The following KATNA1 variants were observed in gnomAD, a reference collection of about 807,000 sequenced individuals.
KATNA1 encodes the protein katanin p60 ATPase-containing subunit A1.
KATNA1 carries 42 observed loss-of-function variants against 62.6 expected under a neutral mutation model. The ratio of observed to expected loss-of-function variants is 0.67; its 90% CI spans 0.52 to 0.87. KATNA1 has a LOEUF of 0.87. Ranked by LOEUF, KATNA1 falls within the 40% of genes least tolerant of loss-of-function variation. The probability of loss-of-function intolerance (pLI) is 0.00; values close to 1 mark genes in which losing one functional copy is unlikely to be tolerated. For missense variants in KATNA1, 498 were observed against 612.5 expected (o/e 0.81, Z 1.97); for synonymous variants, 186 against 201.9 (o/e 0.92, Z 0.67).
intron 4 of KATNA1, among the ~76,000 whole-genome samples, chr6:149,619,222 T>G (rs898426086): frequency 6.6e-6 from 1 of 151,710 alleles, no homozygotes; most frequent in Non-Finnish European, 1.5e-5. Flanking sequence ...AAGAGGCATA[T>G]GAAAAAAAAA....
At chr6:149,639,415 A>G (rs1249881008) in intron 1 of KATNA1, among the ~76,000 whole-genome samples, 1 of 151,654 alleles carries the variant, frequency 6.6e-6, no homozygotes, top group African/African-American at 2.4e-5. Flanking sequence ...CCTGGCCAAC[A>G]TGGTGAAACT....
chr6:149,619,050 A>AT (rs1779293996), intron 4 of KATNA1, among the ~76,000 whole-genome samples: 1 of 152,226 alleles, frequency 6.6e-6, no homozygotes, highest in African/African-American at 2.4e-5. Flanking sequence ...AACCTGTAGA[A>AT]TGGGAGAAAA....
intron 2 of KATNA1, among the ~76,000 whole-genome samples, chr6:149,634,955 T>TTC (rs1554225925): frequency 6.8e-6 from 1 of 147,974 alleles, no homozygotes; most frequent in African/African-American, 2.4e-5. Flanking sequence ...TTTTTTTTTT[T>TTC]CAAATATTTT....
At chr6:149,600,218 AAAG>A (rs202229285) in intron 7 of KATNA1, among the ~76,000 whole-genome samples, 2 of 139,668 alleles carry the variant, frequency 1.4e-5, no homozygotes, top group Non-Finnish European at 1.7e-5. Flanking sequence ...AAAAAAAAAA[AAAG>A]CTGAACACAA....
At chr6:149,613,206 A>AAAAAAAAAAAAAAAAAAAAAAT (rs1779031093) in intron 4 of KATNA1, among the ~76,000 whole-genome samples, 1 of 142,760 alleles carries the variant, frequency 7.0e-6, no homozygotes, top group African/African-American at 2.7e-5. Flanking sequence ...AAAAAAAAAA[A>AAAAAAAAAAAAAAAAAAAAAAT]AAAAAAAAAA....
At chr6:149,631,195 C>T (rs1038974921) in intron 3 of KATNA1, among the ~76,000 whole-genome samples, 1 of 152,038 alleles carries the variant, frequency 6.6e-6, no homozygotes, top group Admixed American at 6.6e-5. Context: ...GTCAGGAGTT[C>T]GAGACCAGTC....
intron 4 of KATNA1, among the ~76,000 whole-genome samples, chr6:149,619,925 C>T (rs562400272): frequency 5.9e-5 from 9 of 151,404 alleles, no homozygotes; most frequent in East Asian, 2.0e-4. Context: ...AAGTTCCTAT[C>T]GACAGATGAA....
chr6:149,617,975 T>TAATA, intron 4 of KATNA1, among the ~76,000 whole-genome samples: 2 of 138,186 alleles, frequency 1.4e-5, no homozygotes, highest in Non-Finnish European at 3.1e-5. Context: ...AATAATAAAA[T>TAATA]AAATAAATAA....
At chr6:149,633,999 G>A (rs1023126531) in intron 2 of KATNA1, among the ~76,000 whole-genome samples, 1 of 151,574 alleles carries the variant, frequency 6.6e-6, no homozygotes, top group Non-Finnish European at 1.5e-5. Flanking sequence ...CAGGCCAGGC[G>A]CGGTGGCTCA....
rs985342350 is a variant in KATNA1 at position 149,605,793 on chromosome 6, G to C, written c.502-1011C>G. Reference sequence around the variant, plus strand: ...TATTTATTTATTTATTTTTGAGCTAGAGTCTCACTCTGTCGCCCAGGCTAG... The same window carrying C: ...TATTTATTTATTTATTTTTGAGCTACAGTCTCACTCTGTCGCCCAGGCTAG... On this transcript the variant is annotated intron_variant, in intron 4 of 10. Coordinates refer to ENST00000367411, the MANE Select transcript of KATNA1 (RefSeq NM_007044.4). 7.2e-5 allele frequency among the ~76,000 whole-genome samples: 11 copies of C among 151,938 alleles called. 1 individual carries two copies. The highest frequency in any genetic ancestry group is 1.5e-5 in the Non-Finnish European group (1 of 67,992).
Position 149,598,300 on chromosome 6 carries a change from G to A in KATNA1, c.939C>T (p.Ile313=). ...ATIFIDEIDS[I]CSRRGTSEEH... ...CTTCAGAAGTCCCTCGGCGACTACAGATGGAGTCTATCTCATCAATAAATA... is the reference window on the plus strand; with the variant it reads ...CTTCAGAAGTCCCTCGGCGACTACAAATGGAGTCTATCTCATCAATAAATA... Residue 313 remains isoleucine, a synonymous_variant, in exon 8 of 11, where the codon ATC becomes ATT. Coordinates refer to ENST00000367411, the MANE Select transcript of KATNA1 (RefSeq NM_007044.4). The A allele has an allele frequency of 6.2e-7, 1 of 1,613,872 alleles. No individual in the cohort carries two copies. The highest frequency in any genetic ancestry group is 1.1e-5 in the South Asian group (1 of 91,072).
rs183828099 is a variant in KATNA1 at position 149,640,990 on chromosome 6, G to A, written c.-13-2430C>T. ...GGTTCAAGCGATTCTCCTGACTCAG[G>A]CTCCTGAGTAGCTGGGATTACAGGC... On this transcript the variant is annotated intron_variant, in intron 1 of 10. Coordinates refer to ENST00000367411, the MANE Select transcript of KATNA1 (RefSeq NM_007044.4). 3.9e-3 allele frequency among the ~76,000 whole-genome samples: 590 copies of A among 151,274 alleles called. 3 individuals are homozygous for A. Among genetic ancestry groups the A allele is most frequent in the African/African-American group, 0.013 (528 of 41,226 alleles).
At chr6:149,624,911 GCCTCA>G (rs1377171581) in intron 3 of KATNA1, among the ~76,000 whole-genome samples, 1 of 150,256 alleles carries the variant, frequency 6.7e-6, no homozygotes, top group Non-Finnish European at 1.5e-5. Context: ...AATGGGAATG[GCCTCA>G]TGAAGACAGA....
chr6:149,622,775 T>C (rs968840075), intron 4 of KATNA1, among the ~76,000 whole-genome samples: 3 of 56,738 alleles, frequency 5.3e-5, no homozygotes, highest in African/African-American at 2.2e-4. Context: ...GGGCGGGGGG[T>C]GGGGCGCGCA....
At chr6:149,612,912 G>T (rs575368370) in intron 4 of KATNA1, among the ~76,000 whole-genome samples, 1 of 151,914 alleles carries the variant, frequency 6.6e-6, no homozygotes, top group South Asian at 2.1e-4. Context: ...TACCTATCCA[G>T]GACAGAAGCT....
rs140022573 is a variant in KATNA1 at position 149,619,474 on chromosome 6, G to A, written c.501+3629C>T. Among the ~76,000 whole-genome samples the A allele has an allele frequency of 4.6e-5, 7 of 152,150 alleles. No individual in the cohort carries two copies. In the South Asian group the frequency reaches 6.2e-4, roughly 14 times the overall value. On this transcript the variant is annotated intron_variant, in intron 4 of 10. Transcript: ENST00000367411. ...CTAAAATACAAAAAATTAGCTAGGC[G>A]TGGTAGCGTGTGCCTGTAGTTGCAG...
At chr6:149,603,501 G>C (rs1778627230) in intron 5 of KATNA1, 128 bp from the exon 6 acceptor site, 1 of 535,774 alleles carries the variant, frequency 1.9e-6, no homozygotes, top group East Asian at 3.2e-5. Context: ...CTGAGCCCGG[G>C]TGAACTAATG....
chr6:149,602,752 G>A (rs908187607), intron 6 of KATNA1, among the ~76,000 whole-genome samples: 33 of 146,582 alleles, frequency 2.3e-4, no homozygotes, highest in East Asian at 6.0e-4. Flanking sequence ...ACAGAGTTTC[G>A]CTCTTGTTGC....
At chr6:149,599,800 G>A (rs969434940) in intron 7 of KATNA1, among the ~76,000 whole-genome samples, 5 of 152,094 alleles carry the variant, frequency 3.3e-5, no homozygotes, top group African/African-American at 9.7e-5. Context: ...TTACAGGCAT[G>A]AGCCACCATG....
Sources: gnomAD v4.1 joint callset for allele counts (sites outside exome capture counted in the v4.1 genomes callset) on GRCh38, gnomAD v4.1.1 for gene constraint, MANE v1.5 for transcripts, NCBI Gene and HGNC (gene_info 2026-07-23, HGNC 2026-07-21) for gene names.